Variants in MRC1 observed in about 807,000 individuals in gnomAD.
MRC1 encodes the protein macrophage mannose receptor 1.
In MRC1, 62 loss-of-function variants were observed where a neutral mutation model predicts 102.9. The observed-to-expected ratio is 0.60, with a 90% CI of 0.49 to 0.74. The LOEUF (loss-of-function observed/expected upper bound fraction) is 0.74, where lower values mean the gene tolerates loss of function less well. Ranked by LOEUF, MRC1 falls within the 30% of genes least tolerant of loss-of-function variation. The pLI, the probability that MRC1 is intolerant of heterozygous loss-of-function variation, is 0.00. For missense variants in MRC1, 1,237 were observed against 862.8 expected (o/e 1.43, Z -5.43); for synonymous variants, 457 against 298.4 (o/e 1.53, Z -5.48).
At chr10:17,878,015 C>T (rs1833460846) in intron 18 of MRC1, 48 bp downstream of exon 18, 1 of 862,536 alleles carries the variant, frequency 1.2e-6, no homozygotes, top group Non-Finnish European at 2.0e-6. Flanking sequence ...AGTGTTCTGA[C>T]CAATACCTAT....
rs1833413295 is a variant in MRC1 at position 17,875,241 on chromosome 10, T to C, written c.2538T>C (p.Phe846=). The change falls in exon 17 of 30, where the codon TTT becomes TTC. Residue 846 remains phenylalanine (F), a synonymous_variant. Transcript: ENST00000569591. The stretch of plus-strand genomic sequence containing the variant: ...TTCAAAGTGAAAGTGAAAAGAAGTT[T>C]CTATGGAAATATGTAAGGACATCAA... ...VSIQSESEKK[F]LWKYVNRNDA... The C allele has an allele frequency of 2.6e-6, 2 of 780,668 alleles. No individual in the cohort carries two copies. Among genetic ancestry groups the C allele is most frequent in the Non-Finnish European group, 4.8e-6 (2 of 417,914 alleles). The allele number at this position is 780,668 out of a possible 1,614,324, so 48.4% of individuals were successfully genotyped here.
chr10:17,848,463 T>C (rs924144629), intron 6 of MRC1, among the ~76,000 whole-genome samples: 1 of 152,208 alleles, frequency 6.6e-6, no homozygotes, highest in Non-Finnish European at 1.5e-5. Flanking sequence ...CACTTTCCCC[T>C]AGCTCATTAC....
At chr10:17,879,694 T>C in intron 18 of MRC1, 27 bp from the exon 19 acceptor site, 1 of 780,830 alleles carries the variant, frequency 1.3e-6, no homozygotes. Context: ...TTGGATCGTT[T>C]CAAAATGCCT....
chr10:17,852,456 A>C (rs1321890454), intron 7 of MRC1, among the ~76,000 whole-genome samples: 1 of 152,202 alleles, frequency 6.6e-6, no homozygotes, highest in Non-Finnish European at 1.5e-5. Flanking sequence ...CTTTAACGGA[A>C]GTATCTAGAA....
intron 1 of MRC1, among the ~76,000 whole-genome samples, chr10:17,816,241 G>A (rs1224126172): frequency 6.6e-6 from 1 of 152,162 alleles, no homozygotes; most frequent in East Asian, 1.9e-4. Flanking sequence ...AACTGAGGCT[G>A]GTGAACATAT....
At chr10:17,859,377 G>T (rs1023032500) in intron 9 of MRC1, among the ~76,000 whole-genome samples, 37 of 152,046 alleles carry the variant, frequency 2.4e-4, no homozygotes, top group African/African-American at 7.7e-4. Context: ...GCATGCAGTG[G>T]CATGATCTCG....
intron 23 of MRC1, among the ~76,000 whole-genome samples, chr10:17,896,278 C>T (rs1833753991): frequency 1.3e-5 from 2 of 152,192 alleles, no homozygotes; most frequent in Non-Finnish European, 2.9e-5. Flanking sequence ...TGAAAACCAT[C>T]TAAGATACTT....
intron 15 of MRC1, 48 bp downstream of exon 15, chr10:17,872,174 C>T (rs990018664): frequency 1.5e-5 from 12 of 779,754 alleles, no homozygotes; most frequent in Middle Eastern, 2.4e-4. Context: ...AGACTAACCT[C>T]CTGACACCCC....
At chr10:17,870,492 A>ATC in intron 13 of MRC1, 119 bp downstream of exon 13, 1 of 755,702 alleles carries the variant, frequency 1.3e-6, no homozygotes. Flanking sequence ...CACCTGTATC[A>ATC]TCTCCCAAAT....
intron 12 of MRC1, among the ~76,000 whole-genome samples, chr10:17,867,016 A>G (rs1399966574): frequency 2.0e-5 from 3 of 150,932 alleles, no homozygotes; most frequent in African/African-American, 4.9e-5. Context: ...CTCTGCCGCT[A>G]TCACCTCCTC....
chr10:17,839,490 TTTGTGAAAATTCTTTTAAAG>T (rs1838718381), intron 4 of MRC1, among the ~76,000 whole-genome samples: 1 of 53,950 alleles, frequency 1.9e-5, no homozygotes, highest in African/African-American at 5.7e-5. Flanking sequence ...CTTTAAAGAA[TTTGTGAAAATTCTTTTAAAG>T]AATTTTTTTG....
Position 17,906,938 on chromosome 10 carries a change from T to C in MRC1, c.3852T>C (p.Tyr1284=). ...ESAAESSFLS[Y]RVEPLKSKTN... is the part of the protein sequence containing the mutation. ...CTGCAGAATCCAGTTTTCTGTCATA[T>C]CGGGTTGAGCCACTTAAAAGTAAAA... The change falls in exon 27 of 30, where the codon TAT becomes TAC. Residue 1284 remains tyrosine, a synonymous_variant. Coordinates refer to ENST00000569591, the MANE Select transcript of MRC1 (RefSeq NM_002438.4). 1 of 830,856 alleles carries C rather than the reference T, an allele frequency of 1.2e-6. No individual in the cohort carries two copies. Among genetic ancestry groups the C allele is most frequent in the South Asian group, 1.3e-5 (1 of 75,606 alleles). 51.5% of individuals were successfully genotyped at this position (830,856 alleles called of 1,614,324 possible). A position where few individuals can be genotyped will look rare whatever the true frequency, so the allele number is the denominator to read the frequency against.
At chr10:17,890,801 T>C (rs1354414119) in intron 22 of MRC1, among the ~76,000 whole-genome samples, 10 of 152,176 alleles carry the variant, frequency 6.6e-5, no homozygotes, top group Non-Finnish European at 1.2e-4. Flanking sequence ...TACCAATCCA[T>C]GGCCTGTTAG....
intron 12 of MRC1, among the ~76,000 whole-genome samples, chr10:17,867,854 T>G (rs1833298847): frequency 6.6e-6 from 1 of 152,326 alleles, no homozygotes; most frequent in South Asian, 2.1e-4. Context: ...GCCACATAAG[T>G]ATTCTAAAGA....
At chr10:17,830,963 A>G (rs1554839003) in intron 3 of MRC1, among the ~76,000 whole-genome samples, 1 of 150,682 alleles carries the variant, frequency 6.6e-6, no homozygotes, top group Non-Finnish European at 1.5e-5. Context: ...ATCTCGGCTC[A>G]CTGCAACCTC....
chr10:17,842,822 T>C (rs2130629250), intron 5 of MRC1, among the ~76,000 whole-genome samples: 1 of 152,280 alleles, frequency 6.6e-6, no homozygotes, highest in Admixed American at 6.5e-5. Context: ...GAGTAAAGAA[T>C]GAAAGTGGAA....
At chr10:17,810,972 T>C (rs1347671542) in intron 1 of MRC1, among the ~76,000 whole-genome samples, 1 of 152,118 alleles carries the variant, frequency 6.6e-6, no homozygotes, top group South Asian at 2.1e-4. Flanking sequence ...TTTGTAGTTT[T>C]AGTAGAGACA....
At chr10:17,829,648 A>C (rs1217003250) in intron 3 of MRC1, among the ~76,000 whole-genome samples, 1 of 151,578 alleles carries the variant, frequency 6.6e-6, no homozygotes, top group Non-Finnish European at 1.5e-5. Flanking sequence ...TTTTCAAGTG[A>C]TTGAAAGTGT....
rs993744787 is a variant in MRC1 at position 17,841,685 on chromosome 10, A to G, written c.916+879A>G. On this transcript the variant is annotated intron_variant, in intron 5 of 29. Transcript: ENST00000569591. ...ACCAACTGGCGTTAGTAGCCACTTG[A>G]GGCCTTCTATTGGGTATAAATTCAA... 1.4e-3 allele frequency among the ~76,000 whole-genome samples: 220 copies of G among 151,948 alleles called. 3 individuals carry two copies. In the Middle Eastern group the frequency reaches 0.073, roughly 50 times the overall value.
Sources: gnomAD v4.1 joint callset for allele counts (sites outside exome capture counted in the v4.1 genomes callset) on GRCh38, gnomAD v4.1.1 for gene constraint, MANE v1.5 for transcripts, NCBI Gene and HGNC (gene_info 2026-07-23, HGNC 2026-07-21) for gene names.